Variants in MTFR1 observed in about 807,000 individuals in gnomAD.
MTFR1 encodes mitochondrial fission regulator 1, also known as chondrocyte protein with a poly-proline region.
In MTFR1, 28 loss-of-function variants were observed where a neutral mutation model predicts 38.8. That is an observed-to-expected ratio of 0.72 (90% confidence interval 0.53 to 0.99). The LOEUF is 0.99. Among genes scored for constraint, MTFR1 ranks in the 50% least tolerant of loss-of-function variants. The probability of loss-of-function intolerance (pLI) is 0.00; values close to 1 mark genes in which losing one functional copy is unlikely to be tolerated. For synonymous variants in MTFR1, 145 were observed against 137.0 expected (o/e 1.06, Z -0.41); for missense variants, 358 against 395.5 (o/e 0.91, Z 0.81).
chr8:65,755,431 C>A (rs1212927928), intron 3 of MTFR1, among the ~76,000 whole-genome samples: 3 of 152,116 alleles, frequency 2.0e-5, no homozygotes, highest in African/African-American at 7.2e-5. Flanking sequence ...TTAGTGGTTA[C>A]TTTGGGGTTT....
At chr8:65,776,735 A>G in the MTFR1 span, among the ~76,000 whole-genome samples, 1 of 152,210 alleles carries the variant, frequency 6.6e-6, no homozygotes, top group South Asian at 2.1e-4. Context: ...CTGACTTTGT[A>G]TCCAGGAAAA....
intron 1 of MTFR1, among the ~76,000 whole-genome samples, chr8:65,664,757 C>T (rs942176779): frequency 5.3e-5 from 8 of 150,994 alleles, no homozygotes; most frequent in South Asian, 4.2e-4. Context: ...CTACCATACC[C>T]GGCTATTTTT....
upstream of MTFR1, among the ~76,000 whole-genome samples, chr8:65,644,486 A>C (rs1197762152): frequency 3.9e-5 from 6 of 152,256 alleles, no homozygotes; most frequent in Non-Finnish European, 8.8e-5. Flanking sequence ...GAAGCTGACA[A>C]AAGCACTTCC....
chr8:65,734,566 T>C (rs192455355), intron 3 of MTFR1, among the ~76,000 whole-genome samples: 2 of 152,200 alleles, frequency 1.3e-5, no homozygotes, highest in African/African-American at 4.8e-5. Flanking sequence ...TCAAGTGACC[T>C]GGCCCTTGCT....
chr8:65,713,168 C>T (rs780175232), downstream of MTFR1, among the ~76,000 whole-genome samples: 3 of 152,156 alleles, frequency 2.0e-5, no homozygotes, highest in African/African-American at 7.2e-5. Flanking sequence ...TGGCCGAGTG[C>T]CGTGGCTCAC....
intron 3 of MTFR1, among the ~76,000 whole-genome samples, chr8:65,735,943 A>G (rs1479887613): frequency 6.6e-6 from 1 of 152,058 alleles, no homozygotes; most frequent in Non-Finnish European, 1.5e-5. Context: ...TTTATAATTT[A>G]TATTTTTAGT....
chr8:65,647,576 C>T (rs1170345383), intron 1 of MTFR1, among the ~76,000 whole-genome samples: 1 of 152,196 alleles, frequency 6.6e-6, no homozygotes, highest in African/African-American at 2.4e-5. Flanking sequence ...TCCTAAAGTG[C>T]TGGGATTATA....
chr8:65,692,818 A>G (rs548283938), intron 3 of MTFR1, among the ~76,000 whole-genome samples: 1 of 151,952 alleles, frequency 6.6e-6, no homozygotes, highest in East Asian at 1.9e-4. Context: ...ATATAAAAAC[A>G]TTGAACAAAA....
In MTFR1 at chr8:65,720,501, C is replaced by A. The variant is rs1806329110; in HGVS notation, c.*48+1020C>A. 1.9e-5 allele frequency: 3 copies of A among 154,168 alleles called. No individual in the cohort carries two copies. In the Admixed American group the frequency reaches 2.0e-4, roughly 10 times the overall value. 9.6% of individuals were successfully genotyped at this position (154,168 alleles called of 1,614,324 possible). Reference sequence around the variant, plus strand: ...CCAGAATTAAAGCAACCAGCATCCACTACTTTTAATCAGGAAAGTTATATA... The same window carrying A: ...CCAGAATTAAAGCAACCAGCATCCAATACTTTTAATCAGGAAAGTTATATA... On this transcript the variant is annotated intron_variant, in intron 3 of 3. Transcript: ENST00000521247.
At chr8:65,645,060 C>T (rs908849139) in intron 1 of MTFR1, among the ~76,000 whole-genome samples, 1 of 152,186 alleles carries the variant, frequency 6.6e-6, no homozygotes, top group Non-Finnish European at 1.5e-5. Context: ...ACTCGCCCAC[C>T]CGCCAATCTA....
chr8:65,680,135 T>C (rs893572394), intron 2 of MTFR1, among the ~76,000 whole-genome samples: 1 of 150,888 alleles, frequency 6.6e-6, no homozygotes, highest in Non-Finnish European at 1.5e-5. Flanking sequence ...TATATCCTTC[T>C]ATGATTTCCA....
intron 2 of MTFR1, chr8:65,682,057 C>T (rs1390761131): frequency 6.1e-6 from 1 of 164,230 alleles, no homozygotes; most frequent in Non-Finnish European, 1.3e-5. Context: ...AGTATGAAAA[C>T]CTGATGAAAA....
At chr8:65,735,084 C>T (rs1807069497) in intron 3 of MTFR1, among the ~76,000 whole-genome samples, 2 of 152,196 alleles carry the variant, frequency 1.3e-5, no homozygotes, top group African/African-American at 4.8e-5. Flanking sequence ...CAATTTGACT[C>T]TCTATGCTAT....
chr8:65,648,662 A>G (rs74501506), intron 1 of MTFR1, among the ~76,000 whole-genome samples: 6,312 of 152,226 alleles, frequency 0.041, 191 homozygotes, highest in Non-Finnish European at 0.062. Context: ...TTAACGTATA[A>G]TTTGTACAAC....
At chr8:65,672,541 C>T (rs1042587532) in intron 2 of MTFR1, among the ~76,000 whole-genome samples, 3 of 151,684 alleles carry the variant, frequency 2.0e-5, no homozygotes, top group South Asian at 2.1e-4. Flanking sequence ...GAGACAGTCT[C>T]ACTCTGTTGC....
intron 3 of MTFR1, chr8:65,745,456 T>C: frequency 1.3e-6 from 2 of 1,560,356 alleles, no homozygotes; most frequent in Non-Finnish European, 1.8e-6. Context: ...AATTTCCAAC[T>C]TTTTCCAGCA....
intron 1 of MTFR1, among the ~76,000 whole-genome samples, chr8:65,665,204 A>C (rs781599492): frequency 9.9e-5 from 15 of 152,100 alleles, no homozygotes; most frequent in Non-Finnish European, 1.8e-4. Flanking sequence ...AAGTGCTGGG[A>C]TTACAGGTAT....
chr8:65,715,534 C>T (rs1026997945), downstream of MTFR1, among the ~76,000 whole-genome samples: 2 of 151,658 alleles, frequency 1.3e-5, no homozygotes, highest in East Asian at 2.0e-4. Context: ...TGCGCCACCA[C>T]GCCCAGCTAA....
intron 3 of MTFR1, chr8:65,739,446 A>G (rs1055874074): frequency 2.0e-6 from 3 of 1,492,368 alleles, no homozygotes; most frequent in South Asian, 2.8e-5. Context: ...TAAAACTTAA[A>G]CAGGTTCTTG....
Sources: allele counts gnomAD v4.1 joint callset (sites outside exome capture counted in the v4.1 genomes callset), GRCh38; gene constraint gnomAD v4.1.1; transcripts MANE v1.5; gene names NCBI Gene and HGNC (gene_info 2026-07-23, HGNC 2026-07-21).